The following SP140L variants were observed in gnomAD, a reference collection of about 807,000 sequenced individuals.
SP140L encodes nuclear body protein SP140-like protein.
Under a neutral mutation model 84.3 loss-of-function variants are expected in SP140L, and 64 were observed. That is an observed-to-expected ratio of 0.76 (90% CI 0.62 to 0.94). The LOEUF is 0.94. SP140L is among the 40% of genes least tolerant of loss of function. The pLI is 0.00. For missense variants in SP140L, 628 were observed against 692.5 expected (o/e 0.91, Z 1.05); for synonymous variants, 242 against 236.9 (o/e 1.02, Z -0.20).
At chr2:230,370,531 G>A (rs1395486604) in intron 5 of SP140L, among the ~76,000 whole-genome samples, 1 of 152,096 alleles carries the variant, frequency 6.6e-6, no homozygotes, top group Non-Finnish European at 1.5e-5. Flanking sequence ...TAACTTTTTT[G>A]TTTCTCATTA....
intron 8 of SP140L, 48 bp downstream of exon 8, chr2:230,383,623 GC>G (rs769145937): frequency 2.4e-5 from 37 of 1,547,410 alleles, no homozygotes; most frequent in Middle Eastern, 2.2e-4. Flanking sequence ...TTATTAAGGC[GC>G]TGTCCATTGT....
Position 230,367,295 on chromosome 2 carries a change from CTTTTTTTTT to C in SP140L, c.524-3606_524-3598del, listed in dbSNP as rs200306286. 4.2e-5 allele frequency among the ~76,000 whole-genome samples: 5 copies of C among 118,046 alleles called. No homozygotes were observed. In the South Asian group the frequency reaches 1.4e-3, roughly 32 times the overall value. 77.4% of individuals were successfully genotyped at this position (118,046 alleles called of 152,430 possible). Reference sequence around the variant, plus strand: ...TTTTTTTCCTTTCTTTCTTTTTTTTCTTTTTTTTTTTTTTTGAGACAGAGTCTCACTCTG... The same window carrying C: ...TTTTTTTCCTTTCTTTCTTTTTTTTCTTTTTTGAGACAGAGTCTCACTCTG... On this transcript the variant is annotated intron_variant, in intron 5 of 18. Coordinates refer to ENST00000415673, the MANE Select transcript of SP140L (RefSeq NM_138402.6).
At chr2:230,328,696 TG>T in intron 1 of SP140L, 60 bp from the exon 2 acceptor site, 1 of 1,575,826 alleles carries the variant, frequency 6.3e-7, no homozygotes, top group Non-Finnish European at 8.6e-7. Context: ...AAAGTGGAAT[TG>T]TTGAAGCAAA....
At chr2:230,388,847 A>AG (rs2061692287) in intron 10 of SP140L, 2 of 416,092 alleles carry the variant, frequency 4.8e-6, no homozygotes, top group Admixed American at 4.1e-5. Flanking sequence ...CTGGGGCCCC[A>AG]GGGGGTCACT....
intron 4 of SP140L, among the ~76,000 whole-genome samples, chr2:230,359,904 G>T (rs749556445): frequency 3.3e-5 from 5 of 152,130 alleles, no homozygotes; most frequent in African/African-American, 1.2e-4. Flanking sequence ...CTGATTGCTC[G>T]GACAGGGACT....
At chr2:230,347,201 T>C (rs1163385618) in intron 2 of SP140L, among the ~76,000 whole-genome samples, 1 of 152,094 alleles carries the variant, frequency 6.6e-6, no homozygotes, top group East Asian at 1.9e-4. Context: ...AGTGTTTTGG[T>C]TGGACTCTTT....
chr2:230,394,990 AT>A (rs149521097), intron 13 of SP140L, among the ~76,000 whole-genome samples: 8 of 149,852 alleles, frequency 5.3e-5, no homozygotes, highest in Admixed American at 1.3e-4. Context: ...GACTCCAGTA[AT>A]TTTTTTTTTT....
At chr2:230,354,883 AAGAAAG>A (rs2060486137) in intron 2 of SP140L, among the ~76,000 whole-genome samples, 1 of 150,220 alleles carries the variant, frequency 6.7e-6, no homozygotes, top group South Asian at 2.1e-4. Flanking sequence ...GAAAGAAAGA[AAGAAAG>A]AAAGAAAGGA....
rs111373949 is a variant in SP140L, at chr2:230,400,025, C to T, written c.1198-102C>T. Reference sequence around the variant, plus strand: ...ATCCCAGGGAGAAGCATATGCCTGTCTATACAGGCTCACACATAAGCAGTG... The same window carrying T: ...ATCCCAGGGAGAAGCATATGCCTGTTTATACAGGCTCACACATAAGCAGTG... On this transcript the variant is annotated intron_variant, in intron 14 of 18. Transcript: ENST00000415673. The T allele has an allele frequency of 3.0e-3, 3,529 of 1,193,060 alleles. 79 individuals are homozygous for T. The African/African-American group carries it at 0.047, about 16-fold the overall frequency. 73.9% of individuals were successfully genotyped at this position (1,193,060 alleles called of 1,614,324 possible).
rs1247953230 is a variant in SP140L at position 230,354,885 on chromosome 2, G to GAAAGAAAGAAAGAAAGAAAGA, written c.108-2908_108-2907insAAAGAAAGAAAAGAAAGAAAG. On this transcript the variant is annotated intron_variant, in intron 2 of 18. Transcript: ENST00000415673. The stretch of plus-strand genomic sequence containing the variant: ...AGAAAGAAAGAAAGAAAGAAAGAAA[G>GAAAGAAAGAAAGAAAGAAAGA]AAAGAAAGAAAGGAAAGAGAAAGAA... Among the ~76,000 whole-genome samples, 75 of 124,492 alleles carry GAAAGAAAGAAAGAAAGAAAGA rather than the reference G, an allele frequency of 6.0e-4. 1 individual carries two copies. In the East Asian group the frequency reaches 0.016, roughly 27 times the overall value. The allele number at this position is 124,492 out of a possible 152,430, so 81.7% of individuals were successfully genotyped here. A position where few individuals can be genotyped will look rare whatever the true frequency, so the allele number is the denominator to read the frequency against.
chr2:230,330,537 T>G (rs1049552509), intron 2 of SP140L, among the ~76,000 whole-genome samples: 1 of 152,232 alleles, frequency 6.6e-6, no homozygotes, highest in Non-Finnish European at 1.5e-5. Context: ...ACTGACTCTA[T>G]AGATCAATTT....
At chr2:230,392,819 C>T (rs2061878972) in intron 12 of SP140L, among the ~76,000 whole-genome samples, 2 of 152,152 alleles carry the variant, frequency 1.3e-5, no homozygotes, top group South Asian at 4.1e-4. Flanking sequence ...TCACTGTCTC[C>T]CCTGCTAGCA....
At chr2:230,377,865 A>G (rs2061295207) in intron 7 of SP140L, among the ~76,000 whole-genome samples, 1 of 151,708 alleles carries the variant, frequency 6.6e-6, no homozygotes, top group Non-Finnish European at 1.5e-5. Flanking sequence ...TTTCCTTTAT[A>G]ATCTGTGATT....
intron 2 of SP140L, among the ~76,000 whole-genome samples, chr2:230,341,481 T>C (rs1310584792): frequency 6.8e-6 from 1 of 147,896 alleles, no homozygotes; most frequent in Admixed American, 6.8e-5. Flanking sequence ...TGAAGCCTTC[T>C]TCTCTCAGCT....
chr2:230,350,226 A>T (rs1408200962), intron 2 of SP140L, among the ~76,000 whole-genome samples: 2 of 152,208 alleles, frequency 1.3e-5, no homozygotes, highest in Non-Finnish European at 2.9e-5. Flanking sequence ...TACAAATGAA[A>T]GACTTTTTTG....
intron 15 of SP140L, 125 bp from the exon 16 acceptor site, chr2:230,400,830 A>G (rs2062299935): frequency 4.4e-6 from 7 of 1,580,616 alleles, no homozygotes; most frequent in Middle Eastern, 2.0e-4. Flanking sequence ...ATACTCTGGG[A>G]GGTGTTCCCC....
chr2:230,369,046 A>C (rs13384919), intron 5 of SP140L, among the ~76,000 whole-genome samples: 2,482 of 152,214 alleles, frequency 0.016, 71 homozygotes, highest in African/African-American at 0.055. Context: ...CCTTGCATTT[A>C]TATCTGTGCA....
Position 230,402,967 on chromosome 2 carries a change from C to G in SP140L, c.*71C>G. ...TGCCACTGACTTCAAACTGAGAGCA[C>G]TTGGGAAATAGCACATGCAGGGAGA... On this transcript the variant is annotated 3_prime_UTR_variant, in exon 19 of 19. Coordinates refer to ENST00000415673, the MANE Select transcript of SP140L (RefSeq NM_138402.6). 2 of 1,268,954 alleles carry G rather than the reference C, an allele frequency of 1.6e-6. No individual in the cohort carries two copies. The highest frequency in any genetic ancestry group is 2.2e-6 in the Non-Finnish European group (2 of 899,174). 78.6% of individuals were successfully genotyped at this position (1,268,954 alleles called of 1,614,324 possible). A position where few individuals can be genotyped will look rare whatever the true frequency, so the allele number is the denominator to read the frequency against.
At position 230,327,213 on chromosome 2, in the gene SP140L, C is replaced by T. The variant is rs575478208; in HGVS notation, c.-57C>T. The T allele has an allele frequency of 1.7e-5, 27 of 1,572,992 alleles. No individual in the cohort carries two copies. Among genetic ancestry groups the T allele is most frequent in the Non-Finnish European group, 2.2e-5 (25 of 1,157,798 alleles). On this transcript the variant is annotated 5_prime_UTR_variant, in exon 1 of 19. Transcript: ENST00000415673. ...CAGCCACACTGCACGCAGGCTGGGC[C>T]GACTGGGGAGCTCATAGGCCAGGCT... is the stretch of plus-strand genomic sequence containing the variant.
Sources: allele counts gnomAD v4.1 joint callset (sites outside exome capture counted in the v4.1 genomes callset), GRCh38; gene constraint gnomAD v4.1.1; transcripts MANE v1.5; gene names NCBI Gene and HGNC (gene_info 2026-07-23, HGNC 2026-07-21).